PRKCZ: variants seen among roughly 807,000 people sequenced by gnomAD.
PRKCZ encodes the protein protein kinase C zeta type.
PRKCZ carries 33 observed loss-of-function variants against 79.5 expected under a neutral mutation model. The ratio of observed to expected loss-of-function variants is 0.41; its 90% CI spans 0.31 to 0.55. PRKCZ has a LOEUF of 0.55. Among genes scored for constraint, PRKCZ ranks in the 20% least tolerant of loss-of-function variants. The pLI, the probability that PRKCZ is intolerant of heterozygous loss-of-function variation, is 0.19. For missense variants in PRKCZ, 578 were observed against 813.5 expected (o/e 0.71, Z 3.52); for synonymous variants, 342 against 320.9 (o/e 1.07, Z -0.70).
chr1:2,105,643 A>G (rs1237996941), intron 4 of PRKCZ, among the ~76,000 whole-genome samples: 1 of 152,086 alleles, frequency 6.6e-6, no homozygotes, highest in African/African-American at 2.4e-5. Flanking sequence ...CAAGTGGTCC[A>G]CCCACCTCAG....
intron 5 of PRKCZ, 127 bp from the exon 6 acceptor site, chr1:2,144,083 T>G: frequency 7.4e-7 from 1 of 1,356,786 alleles, no homozygotes; most frequent in Non-Finnish European, 9.9e-7. Context: ...AGGGACAAGG[T>G]GCCGGGGCCA....
chr1:2,155,330 AGTGGTGATGACAATG>A (rs1474208245), intron 9 of PRKCZ, among the ~76,000 whole-genome samples: 3 of 147,116 alleles, frequency 2.0e-5, no homozygotes, highest in East Asian at 2.0e-4. Context: ...TGATGATGGT[AGTGGTGATGACAATG>A]GTGGTGATGA....
At chr1:2,103,190 T>C (rs1420293810) in intron 4 of PRKCZ, among the ~76,000 whole-genome samples, 1 of 152,174 alleles carries the variant, frequency 6.6e-6, no homozygotes, top group Non-Finnish European at 1.5e-5. Flanking sequence ...ATTGTACTCA[T>C]ATCTCTGTTT....
chr1:2,107,376 A>G (rs927429239), intron 4 of PRKCZ, among the ~76,000 whole-genome samples: 2 of 152,180 alleles, frequency 1.3e-5, no homozygotes, highest in African/African-American at 4.8e-5. Flanking sequence ...GAGACCCCTC[A>G]GTGGATGCGT....
chr1:2,136,871 G>A (rs892875815), intron 5 of PRKCZ, among the ~76,000 whole-genome samples: 5 of 152,178 alleles, frequency 3.3e-5, no homozygotes, highest in South Asian at 2.1e-4. Flanking sequence ...GGCAGTCTGG[G>A]GCTGGAAGTC....
rs1211837060 is a variant in PRKCZ at position 2,149,162 on chromosome 1, C to T, written c.687+238C>T. 6.6e-6 allele frequency among the ~76,000 whole-genome samples: 1 copy of T among 152,194 alleles called. No individual in the cohort carries two copies. Among genetic ancestry groups the T allele is most frequent in the African/African-American group, 2.4e-5 (1 of 41,440 alleles). On this transcript the variant is annotated intron_variant, in intron 8 of 17. Transcript: ENST00000378567. This position sits in a 1 kb window ranked among gnomAD's most constrained non-coding sequence, Gnocchi z 4.1. ...CCCGCAGGTGGTCTGGGGACCACACCCTGCGGGGGAAGCCGTGCCCCACAT... is the reference window on the plus strand; with the variant it reads ...CCCGCAGGTGGTCTGGGGACCACACTCTGCGGGGGAAGCCGTGCCCCACAT...
chr1:2,135,382 G>T, intron 5 of PRKCZ, 35 bp downstream of exon 5: 1 of 1,544,962 alleles, frequency 6.5e-7, no homozygotes, highest in Non-Finnish European at 8.8e-7. Flanking sequence ...CCCTCAAGGG[G>T]CCTTTTGTTA....
chr1:2,151,003 C>CG, intron 9 of PRKCZ, 25 bp downstream of exon 9: 1 of 1,610,262 alleles, frequency 6.2e-7, no homozygotes, highest in Non-Finnish European at 8.5e-7. Context: ...TCATGGGGCC[C>CG]GGGGGCCCGG....
chr1:2,144,741 A>T, intron 6 of PRKCZ: 5 of 713,286 alleles, frequency 7.0e-6, no homozygotes, highest in Non-Finnish European at 7.0e-6. Flanking sequence ...TCTCCCTGGC[A>T]TCCCCCCTGG....
intron 10 of PRKCZ, among the ~76,000 whole-genome samples, chr1:2,166,929 C>T (rs548575556): frequency 1.3e-5 from 2 of 152,258 alleles, no homozygotes; most frequent in Non-Finnish European, 2.9e-5. Flanking sequence ...AGGTGCACAC[C>T]ACCAGCGTGA....
intron 8 of PRKCZ, among the ~76,000 whole-genome samples, chr1:2,150,237 C>T (rs1419145099): frequency 6.6e-6 from 1 of 152,122 alleles, no homozygotes; most frequent in Non-Finnish European, 1.5e-5. Flanking sequence ...GCCTCCTCCA[C>T]CCCGACCTCC....
intron 4 of PRKCZ, among the ~76,000 whole-genome samples, chr1:2,101,669 G>A (rs1667462008): frequency 6.6e-6 from 1 of 152,132 alleles, no homozygotes; most frequent in Non-Finnish European, 1.5e-5. Flanking sequence ...GGGTGGGAGA[G>A]CACCTCCCCT....
chr1:2,180,521 A>G lies in PRKCZ; in HGVS notation c.1576-4062A>G, dbSNP rs547428306. ...GGACGCACAGATGACGTGGACGCAC[A>G]GATGACGTGGACGCACGGACGACGT... On this transcript the variant is annotated intron_variant, in intron 16 of 17. Coordinates refer to ENST00000378567, the MANE Select transcript of PRKCZ (RefSeq NM_002744.6). Among the ~76,000 whole-genome samples, 24 of 150,706 alleles carry G rather than the reference A, an allele frequency of 1.6e-4. No individual in the cohort carries two copies. The East Asian group carries it at 2.9e-3, about 18-fold the overall frequency.
chr1:2,134,424 G>C, intron 4 of PRKCZ, among the ~76,000 whole-genome samples: 1 of 152,124 alleles, frequency 6.6e-6, no homozygotes, highest in Non-Finnish European at 1.5e-5. Context: ...CCCATTGTAC[G>C]TTCCGTTTCT....
At chr1:2,153,979 G>A (rs183196691) in intron 9 of PRKCZ, among the ~76,000 whole-genome samples, 2 of 152,316 alleles carry the variant, frequency 1.3e-5, no homozygotes, top group African/African-American at 2.4e-5. Flanking sequence ...ATTCTGCAGC[G>A]CCAGCCCCAC....
chr1:2,130,832 C>T (rs1046317952), intron 4 of PRKCZ, among the ~76,000 whole-genome samples: 5 of 152,106 alleles, frequency 3.3e-5, no homozygotes, highest in Admixed American at 6.5e-5. Context: ...ATGGCCCAGC[C>T]GCGTGGACAC....
At chr1:2,052,273 C>T (rs1401515884) in intron 1 of PRKCZ, among the ~76,000 whole-genome samples, 1 of 152,152 alleles carries the variant, frequency 6.6e-6, no homozygotes, top group Admixed American at 6.5e-5. Context: ...CCGCCCCGTC[C>T]TCCCTCTGCC....
intron 9 of PRKCZ, among the ~76,000 whole-genome samples, chr1:2,155,744 G>T (rs553097986): frequency 6.6e-6 from 1 of 151,372 alleles, no homozygotes; most frequent in East Asian, 2.0e-4. Flanking sequence ...TGGGGGTAGG[G>T]TGTATGGTGA....
chr1:2,146,356 G>T (rs534215644), intron 7 of PRKCZ, among the ~76,000 whole-genome samples: 206 of 152,316 alleles, frequency 1.4e-3, no homozygotes, highest in African/African-American at 4.5e-3. Context: ...TCCGTGAAGT[G>T]CTGTTGTGGT....
Sources: gnomAD v4.1 joint callset for allele counts (sites outside exome capture counted in the v4.1 genomes callset) on GRCh38, gnomAD v4.1.1 for gene constraint, Gnocchi (gnomAD v3.1) non-coding constraint, MANE v1.5 for transcripts, NCBI Gene and HGNC (gene_info 2026-07-23, HGNC 2026-07-21) for gene names.